The following ELMO1 variants were observed in gnomAD, a reference collection of about 807,000 sequenced individuals.
ELMO1 encodes engulfment and cell motility protein 1.
In ELMO1, 26 loss-of-function variants were observed where a neutral mutation model predicts 98.9. That is an observed-to-expected ratio of 0.26 (90% CI 0.19 to 0.36). ELMO1 has a LOEUF of 0.36. Among genes scored for constraint, ELMO1 ranks in the 10% least tolerant of loss-of-function variants. The pLI is 1.00. For synonymous variants in ELMO1, 346 were observed against 346.0 expected (o/e 1.00, Z 0.00); for missense variants, 627 against 935.2 (o/e 0.67, Z 4.30).
At position 37,331,570 on chromosome 7, in the gene ELMO1, T is replaced by C. The variant is rs117506873; in HGVS notation, c.78+11043A>G. On this transcript the variant is annotated intron_variant, in intron 2 of 21. Coordinates refer to ENST00000310758, the MANE Select transcript of ELMO1 (RefSeq NM_014800.11). ...TTTATACCCATTTGCTTTGTCCTCA[T>C]AATCTCCTGTTTGTGTAGATATTAT... Among the ~76,000 whole-genome samples, 248 of 152,162 alleles carry C rather than the reference T, an allele frequency of 1.6e-3. 4 individuals carry two copies. The East Asian group carries it at 0.029, about 18-fold the overall frequency.
At chr7:37,437,024 C>G (rs886825309) in intron 1 of ELMO1, among the ~76,000 whole-genome samples, 3 of 152,190 alleles carry the variant, frequency 2.0e-5, no homozygotes, top group Non-Finnish European at 4.4e-5. Flanking sequence ...CAACAGTCCC[C>G]TACTTGGTGG....
chr7:36,996,551 C>T (rs1254246051), intron 16 of ELMO1, among the ~76,000 whole-genome samples: 1 of 152,118 alleles, frequency 6.6e-6, no homozygotes, highest in Non-Finnish European at 1.5e-5. Flanking sequence ...TGCAGCATTG[C>T]CTCAAGGTAG....
chr7:37,325,919 A>T (rs1414401997), intron 2 of ELMO1, among the ~76,000 whole-genome samples: 1 of 152,180 alleles, frequency 6.6e-6, no homozygotes, highest in Non-Finnish European at 1.5e-5. Flanking sequence ...CATTGTGTCA[A>T]TGACACCAAT....
At chr7:37,207,867 C>T (rs946033323) in intron 13 of ELMO1, among the ~76,000 whole-genome samples, 14 of 151,886 alleles carry the variant, frequency 9.2e-5, no homozygotes, top group South Asian at 2.1e-4. Flanking sequence ...AAACAAAAAA[C>T]GAGATCTCAG....
At chr7:36,947,113 T>C (rs1787560904) in intron 16 of ELMO1, among the ~76,000 whole-genome samples, 1 of 152,222 alleles carries the variant, frequency 6.6e-6, no homozygotes, top group South Asian at 2.1e-4. Flanking sequence ...TTTTCCAACC[T>C]TGCCCTGCTC....
At chr7:37,165,596 A>G (rs1363747512) in intron 13 of ELMO1, among the ~76,000 whole-genome samples, 1 of 152,052 alleles carries the variant, frequency 6.6e-6, no homozygotes, top group African/African-American at 2.4e-5. Flanking sequence ...TGAGATAATC[A>G]TGTGGTTTTT....
intron 1 of ELMO1, among the ~76,000 whole-genome samples, chr7:37,406,271 T>TTC (rs1359392461): frequency 6.6e-6 from 1 of 151,624 alleles, no homozygotes; most frequent in African/African-American, 2.4e-5. Flanking sequence ...TCTTTTGTTT[T>TTC]TTTTTTTTCT....
intron 16 of ELMO1, among the ~76,000 whole-genome samples, chr7:36,903,222 T>C (rs940336458): frequency 4.6e-5 from 7 of 152,184 alleles, no homozygotes; most frequent in Admixed American, 1.3e-4. Flanking sequence ...TCCATGACTA[T>C]TACCTTCCTT....
intron 15 of ELMO1, among the ~76,000 whole-genome samples, chr7:37,040,146 A>G (rs1355308007): frequency 8.5e-6 from 1 of 117,592 alleles, no homozygotes; most frequent in Non-Finnish European, 1.7e-5. Flanking sequence ...TACTTAATTC[A>G]AATTTAAATA....
intron 1 of ELMO1, among the ~76,000 whole-genome samples, chr7:37,443,850 C>T (rs1396088689): frequency 6.6e-6 from 1 of 152,166 alleles, no homozygotes; most frequent in Non-Finnish European, 1.5e-5. Flanking sequence ...GGGAGCCACA[C>T]CCTGTGGAAT....
At chr7:37,087,121 A>ATTTTAT (rs1783831550) in intron 15 of ELMO1, among the ~76,000 whole-genome samples, 1 of 151,890 alleles carries the variant, frequency 6.6e-6, no homozygotes, top group Non-Finnish European at 1.5e-5. Flanking sequence ...TTTTTTTTCC[A>ATTTTAT]TTTTATAATT....
chr7:37,116,593 T>A (rs1233713081), intron 14 of ELMO1, among the ~76,000 whole-genome samples: 1 of 152,064 alleles, frequency 6.6e-6, no homozygotes, highest in Admixed American at 6.6e-5. Flanking sequence ...CAACTACATA[T>A]AGTTCACTAT....
At chr7:37,010,490 A>G (rs1225271968) in intron 16 of ELMO1, among the ~76,000 whole-genome samples, 1 of 152,240 alleles carries the variant, frequency 6.6e-6, no homozygotes, top group East Asian at 1.9e-4. Flanking sequence ...GTGGAAGACC[A>G]AGGCAGAAGA....
chr7:37,242,641 T>G (rs1368243650), intron 7 of ELMO1, among the ~76,000 whole-genome samples: 2 of 152,262 alleles, frequency 1.3e-5, no homozygotes, highest in Non-Finnish European at 2.9e-5. Context: ...GAGTGACAGC[T>G]GACATCTTTG....
intron 13 of ELMO1, among the ~76,000 whole-genome samples, chr7:37,166,993 C>T (rs1393082819): frequency 6.6e-6 from 1 of 151,862 alleles, no homozygotes; most frequent in Non-Finnish European, 1.5e-5. Context: ...GTAGGTCACT[C>T]AGGAGTTGCT....
chr7:37,376,896 A>G (rs957678534), intron 1 of ELMO1, among the ~76,000 whole-genome samples: 3 of 152,242 alleles, frequency 2.0e-5, no homozygotes, highest in East Asian at 1.9e-4. Context: ...AAAAAGTTGC[A>G]AGAAATCTGT....
Position 37,104,729 on chromosome 7 carries a change from G to C in ELMO1, c.1192-8002C>G, listed in dbSNP as rs73335554. On this transcript the variant is annotated intron_variant, in intron 14 of 21. Coordinates refer to ENST00000310758, the MANE Select transcript of ELMO1 (RefSeq NM_014800.11). ...GGAAATGACCAAGTTAAGAATGTGA[G>C]TATAACTGACGACCAGGGAAAAGGA... Among the ~76,000 whole-genome samples the C allele has an allele frequency of 7.0e-3, 1,071 of 152,230 alleles. 14 individuals are homozygous for C. Among genetic ancestry groups the C allele is most frequent in the African/African-American group, 0.025 (1,024 of 41,532 alleles).
At chr7:37,354,831 C>T (rs999114774) in intron 1 of ELMO1, among the ~76,000 whole-genome samples, 6 of 152,200 alleles carry the variant, frequency 3.9e-5, no homozygotes, top group African/African-American at 9.7e-5. Context: ...GTGAGCCAAA[C>T]ATTCAAAGTT....
chr7:37,346,495 G>A (rs1450336201), intron 1 of ELMO1, among the ~76,000 whole-genome samples: 1 of 152,160 alleles, frequency 6.6e-6, no homozygotes, highest in East Asian at 1.9e-4. Context: ...TTGTGCAAAT[G>A]CAAGCAAACA....
Sources: gnomAD v4.1 joint callset for allele counts (sites outside exome capture counted in the v4.1 genomes callset) on GRCh38, gnomAD v4.1.1 for gene constraint, MANE v1.5 for transcripts, NCBI Gene and HGNC (gene_info 2026-07-23, HGNC 2026-07-21) for gene names.